The following GTF2IRD1 variants were observed in gnomAD, a reference collection of about 807,000 sequenced individuals.
GTF2IRD1 encodes the protein GTF2I repeat domain containing 1.
In GTF2IRD1, 26 loss-of-function variants were observed where a neutral mutation model predicts 113.2. That is an observed-to-expected ratio of 0.23 (90% CI 0.17 to 0.32). The LOEUF is 0.32. GTF2IRD1 is among the 10% of genes least tolerant of loss of function. The pLI is 1.00. For synonymous variants in GTF2IRD1, 484 were observed against 529.1 expected, an observed-to-expected ratio of 0.91 and a Z score of 1.17; for missense variants, 864 against 1,280.8, an observed-to-expected ratio of 0.67 and a Z score of 4.97.
intron 1 of GTF2IRD1, among the ~76,000 whole-genome samples, chr7:74,478,335 T>TC (rs1794547389): frequency 6.6e-6 from 1 of 152,172 alleles, no homozygotes; most frequent in Admixed American, 6.5e-5. Flanking sequence ...GCACTTGGTG[T>TC]CCCCAGGCCC....
Position 74,508,223 on chromosome 7 carries a change from C to T in GTF2IRD1, c.123+20C>T. The T allele has an allele frequency of 6.2e-7, 1 of 1,606,950 alleles. No individual in the cohort carries two copies. The highest frequency in any genetic ancestry group is 8.5e-7 in the Non-Finnish European group (1 of 1,176,900). ...TCCATGGTGAGTGTCCCCACCCACC[C>T]AAGAGGAGGGGACAGGGTGAGCGTC... On this transcript the variant is annotated intron_variant, in intron 2 of 26. Transcript: ENST00000424337.
chr7:74,480,631 G>A (rs1296977362), intron 1 of GTF2IRD1, among the ~76,000 whole-genome samples: 1 of 152,128 alleles, frequency 6.6e-6, no homozygotes, highest in Non-Finnish European at 1.5e-5. Context: ...CCAGGCTCAG[G>A]CTTTAAATAA....
At chr7:74,494,417 C>T (rs1795540361) in intron 1 of GTF2IRD1, among the ~76,000 whole-genome samples, 1 of 152,218 alleles carries the variant, frequency 6.6e-6, no homozygotes, top group African/African-American at 2.4e-5. Flanking sequence ...GTCGGGCTTC[C>T]CACGTGTCAG....
At position 74,529,832 on chromosome 7, in the gene GTF2IRD1, C is replaced by G. The variant is rs782523577; in HGVS notation, c.1189C>G (p.Pro397Ala). The G allele has an allele frequency of 6.2e-7, 1 of 1,613,716 alleles. No individual in the cohort carries two copies. Among genetic ancestry groups the G allele is most frequent in the South Asian group, 1.1e-5 (1 of 91,062 alleles). Residue 397 changes from proline (P) to alanine (A), a missense_variant, in exon 9 of 27, where the codon CCC becomes GCC. This residue lies in a region of GTF2IRD1 where 218 missense variants were observed against 352.6 expected (regional missense o/e 0.62). Transcript: ENST00000424337. ...VEIVGIPDKI[P>A]FKRPCTYGVP... ...GATCGTGGGCATCCCGGACAAGATCCCCTTCAAGCGCCCCTGCACTTATGG... is the reference window on the plus strand; with the variant it reads ...GATCGTGGGCATCCCGGACAAGATCGCCTTCAAGCGCCCCTGCACTTATGG...
rs782438177 is a variant in GTF2IRD1 at position 74,529,876 on chromosome 7, G to C, written c.1233G>C (p.Arg411=). 1.2e-6 allele frequency: 2 copies of C among 1,614,036 alleles called. No homozygotes were observed. Among genetic ancestry groups the C allele is most frequent in the South Asian group, 2.2e-5 (2 of 91,088 alleles). Residue 411 remains arginine, a synonymous_variant, in exon 9 of 27, where the codon CGG becomes CGC. Coordinates refer to ENST00000424337, the MANE Select transcript of GTF2IRD1 (RefSeq NM_005685.4). ...CTTATGGAGTCCCCAAGCTGAAGCG[G>C]ATCCTGGAGGAGCGCCATAGTATCC... ...PCTYGVPKLK[R]ILEERHSIHF...
chr7:74,540,332 G>A lies in GTF2IRD1; in HGVS notation c.1618+364G>A, dbSNP rs2130598537. ...TAGCTAATTTTGTATTTTTAGTAGA[G>A]GCGGGCTTTCGCTATGTTGGTCAGG... On this transcript the variant is annotated intron_variant, in intron 14 of 26. Transcript: ENST00000424337. Among the ~76,000 whole-genome samples the A allele has an allele frequency of 1.3e-5, 2 of 152,110 alleles. 1 individual carries two copies. The highest frequency in any genetic ancestry group is 6.8e-3 in the Middle Eastern group (2 of 294).
At chr7:74,523,250 G>C (rs1324450887) in intron 7 of GTF2IRD1, among the ~76,000 whole-genome samples, 1 of 151,132 alleles carries the variant, frequency 6.6e-6, no homozygotes, top group Non-Finnish European at 1.5e-5. Flanking sequence ...ACACAGCCAG[G>C]AGTGTTGGCT....
rs782549756 is a variant in GTF2IRD1 at position 74,555,497 on chromosome 7, A to G, written c.2023+3A>G. On this transcript the variant is annotated splice_donor_region_variant and intron_variant, in intron 19 of 26. Coordinates refer to ENST00000424337, the MANE Select transcript of GTF2IRD1 (RefSeq NM_005685.4). This position sits in a 1 kb window ranked among gnomAD's most constrained non-coding sequence, Gnocchi z 5.3. ...CCTGAAGAGACAGGGCTTTCAAGGT[A>G]AGGTTGAGCTCACGGGGAGGTCTGT... The G allele has an allele frequency of 1.3e-6, 2 of 1,580,278 alleles. No homozygotes were observed. The highest frequency in any genetic ancestry group is 3.3e-5 in the Admixed American group (2 of 59,940).
chr7:74,545,404 A>G (rs368907730), intron 15 of GTF2IRD1, among the ~76,000 whole-genome samples: 24 of 152,020 alleles, frequency 1.6e-4, no homozygotes, highest in East Asian at 7.8e-4. Flanking sequence ...AGCCTGCTCA[A>G]TTTGCAGGCT....
At chr7:74,456,975 A>AT (rs1382530924) in intron 1 of GTF2IRD1, among the ~76,000 whole-genome samples, 1 of 151,614 alleles carries the variant, frequency 6.6e-6, no homozygotes, top group Admixed American at 6.6e-5. Context: ...TTATATCCCC[A>AT]TGATGTCCTC....
chr7:74,589,750 A>G, intron 22 of GTF2IRD1, 101 bp from the exon 23 acceptor site: 1 of 718,366 alleles, frequency 1.4e-6, no homozygotes, highest in Non-Finnish European at 2.5e-6. Context: ...CCTGCAGAGA[A>G]TGTAATGTTT....
rs9638190 is a variant in GTF2IRD1 at position 74,520,304 on chromosome 7, A to T, written c.916+585A>T. ...GGTCCTGGAAGTAGGTCCTGGGGTG[A>T]ACAGGACAAAAGGAACAACTGCAGG... On this transcript the variant is annotated intron_variant, in intron 6 of 26. Transcript: ENST00000424337. Among the ~76,000 whole-genome samples, 16 of 151,658 alleles carry T rather than the reference A, an allele frequency of 1.1e-4. No homozygotes were observed. In the East Asian group the frequency reaches 3.1e-3, roughly 30 times the overall value.
intron 26 of GTF2IRD1, 177 bp from the exon 27 acceptor site, chr7:74,602,188 G>A: frequency 1.6e-6 from 1 of 609,266 alleles, no homozygotes. Context: ...GTTGCAGTGA[G>A]CCGAGATTGC....
At position 74,564,568 on chromosome 7, in the gene GTF2IRD1, T is replaced by C. The variant is rs587759341; in HGVS notation, c.2320+4913T>C. Among the ~76,000 whole-genome samples, 7 of 152,208 alleles carry C rather than the reference T, an allele frequency of 4.6e-5. No homozygotes were observed. The East Asian group carries it at 9.7e-4, about 21-fold the overall frequency. ...GAGTTTGAGACCAGCCTGGGTAACA[T>C]AGCAAGATCCCATCCTGCAAAGACA... On this transcript the variant is annotated intron_variant, in intron 22 of 26. Transcript: ENST00000424337.
chr7:74,509,660 AGTTTT>A (rs532414856), intron 2 of GTF2IRD1, among the ~76,000 whole-genome samples: 5 of 145,506 alleles, frequency 3.4e-5, no homozygotes, highest in Admixed American at 2.7e-4. Flanking sequence ...CAGCATGACC[AGTTTT>A]GTTTTGTTTT....
chr7:74,515,426 C>T lies in GTF2IRD1; in HGVS notation c.266-15C>T, dbSNP rs1554344386. ...CGGGTGCTCACTGTGGCCTCGCGTGCTCTGTGTCCCACAGGAGGGCCCCCG... is the reference window on the plus strand; with the variant it reads ...CGGGTGCTCACTGTGGCCTCGCGTGTTCTGTGTCCCACAGGAGGGCCCCCG... On this transcript the variant is annotated splice_polypyrimidine_tract_variant and intron_variant, in intron 3 of 26. Transcript: ENST00000424337. 3 of 1,570,110 alleles carry T rather than the reference C, an allele frequency of 1.9e-6. No individual in the cohort carries two copies. The highest frequency in any genetic ancestry group is 1.1e-5 in the South Asian group (1 of 87,234).
chr7:74,476,366 C>CTTTTTTTTTTTTTTTTTTTTTTT (rs61151844), intron 1 of GTF2IRD1, among the ~76,000 whole-genome samples: 2 of 122,158 alleles, frequency 1.6e-5, no homozygotes, highest in Non-Finnish European at 3.2e-5. Flanking sequence ...TCTGAACCTC[C>CTTTTTTTTTTTTTTTTTTTTTTT]TTTTTTTTTT....
At chr7:74,495,211 G>A (rs3779415) in intron 1 of GTF2IRD1, among the ~76,000 whole-genome samples, 24,973 of 152,142 alleles carry the variant, frequency 0.16, 2,199 homozygotes, top group Middle Eastern at 0.23. Context: ...CCAGGTGGGC[G>A]TGTCCCCTTT....
intron 2 of GTF2IRD1, among the ~76,000 whole-genome samples, chr7:74,509,522 ACTCT>A (rs1185498792): frequency 6.6e-6 from 1 of 151,712 alleles, no homozygotes; most frequent in African/African-American, 2.4e-5. Flanking sequence ...AACAGAGGAG[ACTCT>A]CTCAATTAAA....
Sources: gnomAD v4.1 joint callset for allele counts (sites outside exome capture counted in the v4.1 genomes callset) on GRCh38, gnomAD v4.1.1 for gene constraint, gnomAD v4.1.1 regional missense constraint, Gnocchi (gnomAD v3.1) non-coding constraint, MANE v1.5 for transcripts, NCBI Gene and HGNC (gene_info 2026-07-23, HGNC 2026-07-21) for gene names.